Variants in SKAP1 observed in about 807,000 individuals in gnomAD.
The protein encoded by SKAP1 is src kinase associated phosphoprotein 1, also known as src kinase-associated phosphoprotein 1.
In SKAP1, 44 loss-of-function variants were observed where a neutral mutation model predicts 58.5. The observed-to-expected ratio is 0.75, with a 90% CI of 0.59 to 0.97. The LOEUF is 0.97. Ranked by LOEUF, SKAP1 falls within the 50% of genes least tolerant of loss-of-function variation. The pLI is 0.00. For synonymous variants in SKAP1, 127 were observed against 149.7 expected (o/e 0.85, Z 1.11); for missense variants, 390 against 435.2 (o/e 0.90, Z 0.92).
At chr17:48,391,383 C>T (rs1036884954) in intron 2 of SKAP1, among the ~76,000 whole-genome samples, 14 of 152,078 alleles carry the variant, frequency 9.2e-5, no homozygotes, top group African/African-American at 3.4e-4. Context: ...GATGATCTTC[C>T]TTACCAGGTC....
At chr17:48,255,087 G>A (rs1177277065) in intron 4 of SKAP1, among the ~76,000 whole-genome samples, 2 of 152,106 alleles carry the variant, frequency 1.3e-5, no homozygotes, top group Non-Finnish European at 2.9e-5. Context: ...TCACAGGAGA[G>A]ACAGAGGGAC....
At chr17:48,158,852 C>T (rs538963823) in intron 11 of SKAP1, among the ~76,000 whole-genome samples, 2 of 151,358 alleles carry the variant, frequency 1.3e-5, no homozygotes, top group African/African-American at 2.4e-5. Context: ...CCCAGCTACT[C>T]GGGAGGCTGA....
chr17:48,313,422 A>G (rs775615453), intron 4 of SKAP1, among the ~76,000 whole-genome samples: 1 of 152,210 alleles, frequency 6.6e-6, no homozygotes, highest in African/African-American at 2.4e-5. Flanking sequence ...TAATTATCAT[A>G]GAACACTTTC....
intron 4 of SKAP1, among the ~76,000 whole-genome samples, chr17:48,293,067 T>TA (rs1219575482): frequency 6.6e-6 from 1 of 152,166 alleles, no homozygotes; most frequent in African/African-American, 2.4e-5. Context: ...GACACATTCA[T>TA]AAAAAATCTA....
intron 2 of SKAP1, among the ~76,000 whole-genome samples, chr17:48,365,528 CCCT>C (rs1217709043): frequency 6.6e-6 from 1 of 152,146 alleles, no homozygotes. Flanking sequence ...AGCAAATCCT[CCCT>C]CACCCCTTCA....
chr17:48,142,808 T>C (rs77172808), intron 11 of SKAP1, among the ~76,000 whole-genome samples: 2 of 152,114 alleles, frequency 1.3e-5, no homozygotes, highest in Non-Finnish European at 2.9e-5. Context: ...CACCTTCTTT[T>C]CTTGTTTTGT....
chr17:48,187,919 A>T lies in SKAP1; in HGVS notation c.366T>A (p.Ser122Arg). Residue 122 changes from serine (S) to arginine (R), a missense_variant, in exon 6 of 13, where the codon AGT becomes AGA. Transcript: ENST00000336915. ...GYLEKKSKDHSFFGSEWQKRW... is the reference protein window; with the variant it reads ...GYLEKKSKDHRFFGSEWQKRW... Reference sequence around the variant, plus strand: ...GCTTCTGCCACTCCGATCCAAAGAAACTATGATCTAAACAGAACAGCAGTA... The same window carrying T: ...GCTTCTGCCACTCCGATCCAAAGAATCTATGATCTAAACAGAACAGCAGTA... 1 of 1,613,714 alleles carries T rather than the reference A, an allele frequency of 6.2e-7. No homozygotes were observed. The highest frequency in any genetic ancestry group is 8.5e-7 in the Non-Finnish European group (1 of 1,179,626).
intron 2 of SKAP1, among the ~76,000 whole-genome samples, chr17:48,372,718 G>T (rs894092447): frequency 1.3e-5 from 2 of 152,152 alleles, no homozygotes; most frequent in Non-Finnish European, 2.9e-5. Flanking sequence ...ATAGCTTATT[G>T]TAAACTTGAA....
At chr17:48,219,404 C>A (rs531279363) in intron 4 of SKAP1, among the ~76,000 whole-genome samples, 1 of 152,328 alleles carries the variant, frequency 6.6e-6, no homozygotes, top group East Asian at 1.9e-4. Context: ...TCAAATAAAG[C>A]ACCAGTTCTG....
chr17:48,136,038 C>A (rs189601778), intron 12 of SKAP1, among the ~76,000 whole-genome samples: 55 of 152,328 alleles, frequency 3.6e-4, no homozygotes, highest in Admixed American at 7.2e-4. Flanking sequence ...CAATTCTAAG[C>A]TGGACACAGG....
intron 4 of SKAP1, among the ~76,000 whole-genome samples, chr17:48,204,926 T>A (rs534573484): frequency 6.6e-5 from 10 of 150,918 alleles, no homozygotes; most frequent in African/African-American, 2.4e-4. Flanking sequence ...AAATCCTTCC[T>A]TCCTTCCTTC....
rs1176633176 is a variant in SKAP1 at position 48,180,173 on chromosome 17, T to C, written c.707A>G (p.Asp236Gly). The change falls in exon 9 of 13, where the codon GAT becomes GGT. Residue 236 changes from aspartate (D) to glycine (G), a missense_variant. Physicochemically the swap from Asp to Gly is moderately conservative, Grantham distance 94 (BLOSUM62 -1). Transcript: ENST00000336915. ...EEKEETYDDI[D>G]GFDSPSCGSQ... ...ACCACAACTTGGGGAGTCAAAACCA[T>C]CAATATCATCATATGTCTCTTCTTT... 6.2e-7 allele frequency: 1 copy of C among 1,613,700 alleles called. No individual in the cohort carries two copies. The highest frequency in any genetic ancestry group is 8.5e-7 in the Non-Finnish European group (1 of 1,179,868).
intron 4 of SKAP1, among the ~76,000 whole-genome samples, chr17:48,277,331 T>C (rs1401016210): frequency 6.6e-6 from 1 of 152,218 alleles, no homozygotes; most frequent in Non-Finnish European, 1.5e-5. Context: ...TAATCTGTGC[T>C]TAGTCAAGCC....
intron 11 of SKAP1, among the ~76,000 whole-genome samples, chr17:48,162,070 A>G (rs1362743318): frequency 6.6e-6 from 1 of 152,036 alleles, no homozygotes; most frequent in East Asian, 1.9e-4. Flanking sequence ...GGTTCAAGCA[A>G]TTCTCATGCC....
chr17:48,182,097 G>A (rs7212753), intron 8 of SKAP1, among the ~76,000 whole-genome samples: 6 of 152,048 alleles, frequency 3.9e-5, no homozygotes, highest in Admixed American at 3.9e-4. Flanking sequence ...AGGAGACACC[G>A]AATTGGGCTG....
chr17:48,379,151 C>T (rs1482816439), intron 2 of SKAP1, among the ~76,000 whole-genome samples: 1 of 152,102 alleles, frequency 6.6e-6, no homozygotes, highest in African/African-American at 2.4e-5. Context: ...TTTTTTCCCC[C>T]AAAGCCTGGC....
At chr17:48,259,502 A>G (rs1183602540) in intron 4 of SKAP1, among the ~76,000 whole-genome samples, 1 of 152,162 alleles carries the variant, frequency 6.6e-6, no homozygotes, top group Non-Finnish European at 1.5e-5. Context: ...ACAGCTTTCC[A>G]TAGCGTAATC....
At chr17:48,341,658 A>G (rs1567875133) in intron 4 of SKAP1, among the ~76,000 whole-genome samples, 2 of 152,166 alleles carry the variant, frequency 1.3e-5, no homozygotes, top group Non-Finnish European at 2.9e-5. Context: ...AATAAAATCA[A>G]TCAACAACAG....
At chr17:48,239,741 CAT>C (rs1351662868) in intron 4 of SKAP1, among the ~76,000 whole-genome samples, 3 of 151,942 alleles carry the variant, frequency 2.0e-5, no homozygotes, top group Non-Finnish European at 2.9e-5. Context: ...GACATTAACA[CAT>C]ATGACATTAC....
Sources: allele counts gnomAD v4.1 joint callset (sites outside exome capture counted in the v4.1 genomes callset), GRCh38; gene constraint gnomAD v4.1.1; transcripts MANE v1.5; gene names NCBI Gene and HGNC (gene_info 2026-07-23, HGNC 2026-07-21).